The following AFG1L variants were observed in gnomAD, a reference collection of about 807,000 sequenced individuals.
AFG1L encodes the protein AFG1 like ATPase.
In AFG1L, 53 loss-of-function variants were observed where a neutral mutation model predicts 62.2. The observed-to-expected ratio is 0.85, with a 90% CI of 0.68 to 1.07. The LOEUF is 1.07. AFG1L is among the 50% of genes least tolerant of loss of function. AFG1L has a pLI of 0.00. For synonymous variants in AFG1L, 228 were observed against 210.3 expected, an observed-to-expected ratio of 1.08 and a Z score of -0.73; for missense variants, 555 against 590.5, an observed-to-expected ratio of 0.94 and a Z score of 0.62.
At chr6:108,444,230 A>G (rs1320415820) in intron 7 of AFG1L, among the ~76,000 whole-genome samples, 1 of 152,226 alleles carries the variant, frequency 6.6e-6, no homozygotes, top group African/African-American at 2.4e-5. Flanking sequence ...TTATATTTAT[A>G]CTATACTATA....
chr6:108,392,565 T>C (rs1399271432), intron 6 of AFG1L, among the ~76,000 whole-genome samples: 3 of 152,174 alleles, frequency 2.0e-5, no homozygotes, highest in Non-Finnish European at 2.9e-5. Context: ...GTGTGTTGAA[T>C]TGAATATCAA....
At chr6:108,451,995 G>A (rs559358876) in intron 8 of AFG1L, among the ~76,000 whole-genome samples, 15 of 152,222 alleles carry the variant, frequency 9.9e-5, no homozygotes, top group African/African-American at 3.4e-4. Flanking sequence ...AATTACAGGC[G>A]TTGAGCCACC....
intron 6 of AFG1L, among the ~76,000 whole-genome samples, chr6:108,368,268 T>C (rs1177452929): frequency 3.9e-5 from 6 of 152,182 alleles, no homozygotes; most frequent in Non-Finnish European, 8.8e-5. Context: ...CTATCCCTAC[T>C]ATGACATTTA....
intron 3 of AFG1L, among the ~76,000 whole-genome samples, chr6:108,350,529 A>G (rs1259980456): frequency 6.6e-6 from 1 of 152,186 alleles, no homozygotes; most frequent in Non-Finnish European, 1.5e-5. Flanking sequence ...TTGATGTATG[A>G]GTTGGAGGGA....
intron 7 of AFG1L, among the ~76,000 whole-genome samples, chr6:108,403,585 G>A (rs1781723876): frequency 6.6e-6 from 1 of 152,052 alleles, no homozygotes; most frequent in South Asian, 2.1e-4. Flanking sequence ...CATTTAGGGA[G>A]GACATAGACT....
At chr6:108,390,167 T>C (rs553917987) in intron 6 of AFG1L, among the ~76,000 whole-genome samples, 2 of 152,364 alleles carry the variant, frequency 1.3e-5, no homozygotes, top group Non-Finnish European at 2.9e-5. Flanking sequence ...AATCGGCTAC[T>C]GAAGCTTGTG....
intron 7 of AFG1L, among the ~76,000 whole-genome samples, chr6:108,414,552 A>C (rs1215678829): frequency 6.6e-6 from 1 of 152,220 alleles, no homozygotes; most frequent in Non-Finnish European, 1.5e-5. Context: ...ATCCAGCAGC[A>C]CATCAAAAAG....
intron 2 of AFG1L, among the ~76,000 whole-genome samples, chr6:108,341,964 A>G (rs1778700140): frequency 6.6e-6 from 1 of 152,202 alleles, no homozygotes. Flanking sequence ...AAAACAATTC[A>G]CAGCAGATGT....
chr6:108,422,288 A>G (rs1770624992), intron 7 of AFG1L, among the ~76,000 whole-genome samples: 1 of 151,826 alleles, frequency 6.6e-6, no homozygotes, highest in Non-Finnish European at 1.5e-5. Flanking sequence ...TTCTTGAGAA[A>G]GCATTGCATT....
chr6:108,411,355 G>A (rs1373337990), intron 7 of AFG1L, among the ~76,000 whole-genome samples: 4 of 152,130 alleles, frequency 2.6e-5, no homozygotes, highest in Non-Finnish European at 5.9e-5. Context: ...CTGAATAAAA[G>A]GCAGCAGAAA....
intron 7 of AFG1L, among the ~76,000 whole-genome samples, chr6:108,409,970 G>A (rs973399755): frequency 6.6e-6 from 1 of 152,160 alleles, no homozygotes; most frequent in Non-Finnish European, 1.5e-5. Context: ...GATTCAAAGT[G>A]TTCATTGTTT....
At chr6:108,362,915 G>GT (rs892961151) in intron 5 of AFG1L, among the ~76,000 whole-genome samples, 34 of 152,120 alleles carry the variant, frequency 2.2e-4, no homozygotes, top group Admixed American at 1.3e-3. Flanking sequence ...TTAAAAAAGA[G>GT]TTTTTAAGGC....
intron 5 of AFG1L, among the ~76,000 whole-genome samples, chr6:108,364,644 C>A (rs1053027102): frequency 3.9e-5 from 6 of 152,052 alleles, no homozygotes; most frequent in Non-Finnish European, 5.9e-5. Context: ...TGTGCAAGCT[C>A]GTTCTGTCCT....
intron 2 of AFG1L, among the ~76,000 whole-genome samples, chr6:108,331,998 A>G (rs1434873033): frequency 6.6e-6 from 1 of 152,104 alleles, no homozygotes; most frequent in African/African-American, 2.4e-5. Flanking sequence ...ATATCCTACC[A>G]TCTTTTATTT....
intron 6 of AFG1L, among the ~76,000 whole-genome samples, chr6:108,397,366 G>A (rs537406565): frequency 6.6e-6 from 1 of 152,288 alleles, no homozygotes; most frequent in Admixed American, 6.5e-5. Flanking sequence ...GACCTCAGGT[G>A]ATCCACGCCC....
chr6:108,472,816 T>C (rs1772953936), intron 8 of AFG1L, among the ~76,000 whole-genome samples: 1 of 151,336 alleles, frequency 6.6e-6, no homozygotes, highest in Admixed American at 6.6e-5. Flanking sequence ...TTTTCTTTTT[T>C]TTTTTGAGTC....
chr6:108,410,923 G>T (rs1782071659), intron 7 of AFG1L, among the ~76,000 whole-genome samples: 1 of 152,148 alleles, frequency 6.6e-6, no homozygotes, highest in Non-Finnish European at 1.5e-5. Context: ...ATCTCACTGG[G>T]GCTTGTCAGA....
chr6:108,478,510 T>C (rs1024214682), intron 10 of AFG1L, among the ~76,000 whole-genome samples: 1 of 152,228 alleles, frequency 6.6e-6, no homozygotes, highest in East Asian at 1.9e-4. Context: ...AGGGTGGTAA[T>C]GTTGATCTCT....
chr6:108,483,617 C>A (rs376106071), intron 10 of AFG1L, among the ~76,000 whole-genome samples: 1 of 152,130 alleles, frequency 6.6e-6, no homozygotes, highest in South Asian at 2.1e-4. Flanking sequence ...CTGATAACTG[C>A]GCTCAAAAGT....
Sources: allele counts gnomAD v4.1 joint callset (sites outside exome capture counted in the v4.1 genomes callset), GRCh38; gene constraint gnomAD v4.1.1; transcripts MANE v1.5; gene names NCBI Gene and HGNC (gene_info 2026-07-23, HGNC 2026-07-21).